Variants in PCBP3 observed in about 807,000 individuals in gnomAD.
PCBP3 encodes the protein poly(rC)-binding protein 3.
Under a neutral mutation model 52.7 loss-of-function variants are expected in PCBP3, and 25 were observed. That is an observed-to-expected ratio of 0.47 (90% CI 0.35 to 0.66). The LOEUF is 0.66. Among genes scored for constraint, PCBP3 ranks in the 30% least tolerant of loss-of-function variants. The pLI, the probability that PCBP3 is intolerant of heterozygous loss-of-function variation, is 0.01. For synonymous variants in PCBP3, 162 were observed against 183.0 expected, an observed-to-expected ratio of 0.89 and a Z score of 0.93; for missense variants, 391 against 490.3, an observed-to-expected ratio of 0.80 and a Z score of 1.91.
intron 13 of PCBP3, among the ~76,000 whole-genome samples, chr21:45,924,177 CGCGTGGGT>C (rs2074970592): frequency 5.3e-5 from 6 of 113,664 alleles, no homozygotes; most frequent in African/African-American, 7.6e-5. Context: ...TGGGAACAGT[CGCGTGGGT>C]AGAAACAGCA....
rs2093609249 is a variant in PCBP3 at position 45,837,201 on chromosome 21, G to A, written c.-125-12760G>A. Reference sequence around the variant, plus strand: ...TCTACAGTCCACCAACATTCTGAATGTTTGCCAATGCAGTGAATGTAAATA... The same window carrying A: ...TCTACAGTCCACCAACATTCTGAATATTTGCCAATGCAGTGAATGTAAATA... On this transcript the variant is annotated intron_variant, in intron 4 of 17. Transcript: ENST00000681687. This position sits in a 1 kb window ranked among gnomAD's most constrained non-coding sequence, Gnocchi z 4.1. Among the ~76,000 whole-genome samples the A allele has an allele frequency of 6.6e-6, 1 of 152,246 alleles. No individual in the cohort carries two copies.
intron 3 of PCBP3, among the ~76,000 whole-genome samples, chr21:45,738,991 C>T (rs1360251457): frequency 1.5e-5 from 2 of 135,004 alleles, no homozygotes; most frequent in Non-Finnish European, 1.6e-5. Flanking sequence ...TTCAGCCCAC[C>T]CCTTCCTGTC....
chr21:45,815,233 GTGAGTGA>G (rs2092868685), intron 4 of PCBP3, among the ~76,000 whole-genome samples: 1 of 78,242 alleles, frequency 1.3e-5, no homozygotes, highest in Non-Finnish European at 2.6e-5. Flanking sequence ...GTGATGAGTG[GTGAGTGA>G]TGAGTGAGTG....
intron 4 of PCBP3, chr21:45,760,039 C>T (rs367553573): frequency 6.6e-6 from 1 of 152,066 alleles, no homozygotes; most frequent in South Asian, 2.1e-4. Flanking sequence ...CAGTTTTTGC[C>T]ATTAACCTGC....
At chr21:45,865,442 C>T (rs574813696) in intron 5 of PCBP3, among the ~76,000 whole-genome samples, 1 of 152,356 alleles carries the variant, frequency 6.6e-6, no homozygotes, top group East Asian at 1.9e-4. Context: ...TGGAAGATAT[C>T]GCTGTTCCTG....
At chr21:45,833,346 G>A (rs528813719) in intron 4 of PCBP3, among the ~76,000 whole-genome samples, 2 of 152,318 alleles carry the variant, frequency 1.3e-5, no homozygotes, top group African/African-American at 2.4e-5. Context: ...AAAGCCTGTG[G>A]CCCCCCAGGC....
intron 4 of PCBP3, among the ~76,000 whole-genome samples, chr21:45,758,707 G>T (rs988592069): frequency 6.6e-6 from 1 of 151,840 alleles, no homozygotes; most frequent in African/African-American, 2.4e-5. Flanking sequence ...TTTTTTTACA[G>T]TTTCTAACCC....
intron 4 of PCBP3, among the ~76,000 whole-genome samples, chr21:45,818,798 GCATCCAGA>G (rs2093042093): frequency 6.6e-6 from 1 of 152,192 alleles, no homozygotes; most frequent in South Asian, 2.1e-4. Flanking sequence ...CACCAGTGGT[GCATCCAGA>G]CAGTGGAATA....
intron 2 of PCBP3, among the ~76,000 whole-genome samples, chr21:45,694,350 T>C (rs2082648506): frequency 6.6e-6 from 1 of 152,204 alleles, no homozygotes; most frequent in Non-Finnish European, 1.5e-5. Flanking sequence ...AAAGCAAGGA[T>C]GTAGTTAGGT....
intron 4 of PCBP3, among the ~76,000 whole-genome samples, chr21:45,843,288 C>A (rs1009306053): frequency 2.0e-5 from 3 of 152,198 alleles, no homozygotes; most frequent in South Asian, 2.1e-4. Flanking sequence ...TGACTACTAT[C>A]CCCTGTGCCT....
At chr21:45,828,948 C>T (rs984604433) in intron 4 of PCBP3, 1 of 152,452 alleles carries the variant, frequency 6.6e-6, no homozygotes, top group Non-Finnish European at 1.5e-5. Flanking sequence ...AACTGGAAGC[C>T]TTGTGCCAGC....
intron 4 of PCBP3, among the ~76,000 whole-genome samples, chr21:45,810,233 T>TGTGC (rs2092643254): frequency 6.6e-6 from 1 of 151,490 alleles, no homozygotes; most frequent in Non-Finnish European, 1.5e-5. Context: ...TGTGTGTGTG[T>TGTGC]GTGTGTGTGT....
chr21:45,901,652 G>GAGAGGA (rs1569474315), intron 9 of PCBP3: 5 of 90,082 alleles, frequency 5.6e-5, no homozygotes, highest in African/African-American at 3.1e-4. Context: ...GACAGAGAGA[G>GAGAGGA]AGACAGAGAG....
In PCBP3 at chr21:45,737,685, T is replaced by G. The variant is rs1344848965; in HGVS notation, c.-162+2256T>G. ...GCTGCAGCAGGCAGATTCTGGAAAT[T>G]CCCTGAGGCCTTCGTTCAGTACAGA... On this transcript the variant is annotated intron_variant, in intron 3 of 17. Transcript: ENST00000681687. The surrounding 1 kb of genome is among the most constrained non-coding windows in gnomAD (Gnocchi z 4.9). 6.6e-6 allele frequency among the ~76,000 whole-genome samples: 1 copy of G among 152,194 alleles called. No individual in the cohort carries two copies. Among genetic ancestry groups the G allele is most frequent in the Non-Finnish European group, 1.5e-5 (1 of 68,022 alleles).
At position 45,940,214 on chromosome 21, in the gene PCBP3, A is replaced by G. The variant is rs778552747; in HGVS notation, c.1079+15A>G. On this transcript the variant is annotated intron_variant, in intron 17 of 17. Coordinates refer to ENST00000681687, the MANE Select transcript of PCBP3 (RefSeq NM_001384156.1). ...ATCAACGCCAGGTGAGCATCTCCCA[A>G]GGGTCTCTGAGAGACGCCCGGAAAG... The G allele has an allele frequency of 1.0e-5, 16 of 1,594,020 alleles. No individual in the cohort carries two copies. In the East Asian group the frequency reaches 1.3e-4, roughly 13 times the overall value.
chr21:45,826,010 G>T (rs1263528397), intron 4 of PCBP3, among the ~76,000 whole-genome samples: 2 of 152,180 alleles, frequency 1.3e-5, no homozygotes, highest in South Asian at 4.1e-4. Context: ...AGTGGCTCAC[G>T]CCTGTAATCC....
At chr21:45,895,940 A>T (rs2095813775) in intron 5 of PCBP3, among the ~76,000 whole-genome samples, 1 of 152,238 alleles carries the variant, frequency 6.6e-6, no homozygotes, top group Non-Finnish European at 1.5e-5. Flanking sequence ...CCCTGGGCAG[A>T]TGCAGACCTC....
At chr21:45,878,094 G>T (rs141046652) in intron 5 of PCBP3, among the ~76,000 whole-genome samples, 2 of 152,342 alleles carry the variant, frequency 1.3e-5, no homozygotes, top group South Asian at 2.1e-4. Flanking sequence ...CTGCTGGTTG[G>T]CATTTGCTCC....
intron 4 of PCBP3, among the ~76,000 whole-genome samples, chr21:45,808,386 G>A (rs2146958291): frequency 6.6e-6 from 1 of 152,284 alleles, no homozygotes; most frequent in South Asian, 2.1e-4. Context: ...CAAAGGATAT[G>A]AACAGTCACT....
Sources: allele counts gnomAD v4.1 joint callset (sites outside exome capture counted in the v4.1 genomes callset), GRCh38; gene constraint gnomAD v4.1.1; non-coding constraint Gnocchi (gnomAD v3.1); transcripts MANE v1.5; gene names NCBI Gene and HGNC (gene_info 2026-07-23, HGNC 2026-07-21).